The following VSNL1 variants were observed in gnomAD, a reference collection of about 807,000 sequenced individuals.
The protein encoded by VSNL1 is visinin-like protein 1.
VSNL1 carries 6 observed loss-of-function variants against 20.4 expected under a neutral mutation model. The observed-to-expected ratio is 0.29, with a 90% confidence interval of 0.16 to 0.58. The LOEUF (loss-of-function observed/expected upper bound fraction) is 0.58, where lower values mean the gene tolerates loss of function less well. Ranked by LOEUF, VSNL1 falls within the 20% of genes least tolerant of loss-of-function variation. The pLI is 0.90. For missense variants in VSNL1, 100 were observed against 234.5 expected (o/e 0.43, Z 3.75); for synonymous variants, 93 against 86.4 (o/e 1.08, Z -0.42).
rs538292287 is a variant in VSNL1 at position 17,655,674 on chromosome 2, C to T, written c.*280C>T. The T allele has an allele frequency of 2.2e-4, 72 of 328,032 alleles. 1 individual carries two copies. Among genetic ancestry groups the T allele is most frequent in the African/African-American group, 1.4e-3 (67 of 47,284 alleles). 20.3% of individuals were successfully genotyped at this position (328,032 alleles called of 1,614,324 possible). On this transcript the variant is annotated 3_prime_UTR_variant, in exon 4 of 4. Transcript: ENST00000295156. The surrounding 1 kb of genome is among the most constrained non-coding windows in gnomAD (Gnocchi z 5.2). ...CATAAAAATCCCTCTTCCTCCAAAG[C>T]CTGGGCAGAAATGTGCTGCAAAGAG...
At position 17,560,671 on chromosome 2, in the gene VSNL1, G is replaced by C. The variant is rs147956914; in HGVS notation, c.-6+19753G>C. Among the ~76,000 whole-genome samples, 474 of 152,188 alleles carry C rather than the reference G, an allele frequency of 3.1e-3. 2 individuals carry two copies. The highest frequency in any genetic ancestry group is 0.014 in the Middle Eastern group (4 of 294). On this transcript the variant is annotated intron_variant, in intron 1 of 3. Transcript: ENST00000295156. ...TAAAGCCTCAGAAGAAAATCTAAGC[G>C]ACATTTGGATAATCTAGATATAGTG...
In VSNL1 at chr2:17,649,038, C is replaced by T. The variant is rs1479527750; in HGVS notation, c.163-372C>T. Among the ~76,000 whole-genome samples the T allele has an allele frequency of 5.3e-5, 8 of 152,132 alleles. No homozygotes were observed. The highest frequency in any genetic ancestry group is 3.9e-4 in the Admixed American group (6 of 15,280). On this transcript the variant is annotated intron_variant, in intron 2 of 3. Transcript: ENST00000295156. The surrounding 1 kb of genome is among the most constrained non-coding windows in gnomAD (Gnocchi z 6.4). ...TCATATCTAGAGGAACATTGAAGTT[C>T]GTGTAGCACCACCTGTGTGGGGAGA...
At chr2:17,555,434 T>C (rs1663653812) in intron 1 of VSNL1, among the ~76,000 whole-genome samples, 1 of 152,162 alleles carries the variant, frequency 6.6e-6, no homozygotes, top group Non-Finnish European at 1.5e-5. Context: ...ATGCCATGCT[T>C]TGCCTGTATG....
At chr2:17,583,830 G>T (rs1336601583) in intron 1 of VSNL1, among the ~76,000 whole-genome samples, 1 of 152,186 alleles carries the variant, frequency 6.6e-6, no homozygotes, top group Admixed American at 6.5e-5. Context: ...ACATGTGCCA[G>T]GCTCGGTGCC....
At chr2:17,555,112 C>T (rs1051965878) in intron 1 of VSNL1, among the ~76,000 whole-genome samples, 1 of 152,162 alleles carries the variant, frequency 6.6e-6, no homozygotes, top group Non-Finnish European at 1.5e-5. Flanking sequence ...CCATCTCTGG[C>T]AGAGTGTGAA....
chr2:17,584,332 C>G (rs1450894764), intron 1 of VSNL1, among the ~76,000 whole-genome samples: 3 of 152,038 alleles, frequency 2.0e-5, no homozygotes, highest in Non-Finnish European at 4.4e-5. Flanking sequence ...TGGCTTGGGT[C>G]TAAGTCATGT....
intron 2 of VSNL1, among the ~76,000 whole-genome samples, chr2:17,632,520 C>T (rs1477802955): frequency 3.3e-5 from 5 of 152,096 alleles, no homozygotes; most frequent in South Asian, 2.1e-4. Flanking sequence ...AGGCTGGTTT[C>T]GAACTTCTGA....
At chr2:17,575,534 TA>T (rs1227179137) in intron 1 of VSNL1, among the ~76,000 whole-genome samples, 2 of 151,996 alleles carry the variant, frequency 1.3e-5, no homozygotes, top group Non-Finnish European at 2.9e-5. Context: ...TCTTTTTTTT[TA>T]TTTTTTTTAT....
Position 17,609,989 on chromosome 2 carries a change from C to T in VSNL1, c.162+17753C>T, listed in dbSNP as rs963804662. Among the ~76,000 whole-genome samples the T allele has an allele frequency of 2.0e-5, 3 of 152,212 alleles. No individual in the cohort carries two copies. The South Asian group carries it at 6.2e-4, about 32-fold the overall frequency. On this transcript the variant is annotated intron_variant, in intron 2 of 3. Transcript: ENST00000295156. Reference sequence around the variant, plus strand: ...TTGACTGTAACTACTACTTTTGTTTCTTGCTGTGTGTCAGTCTGGCAACAG... The same window carrying T: ...TTGACTGTAACTACTACTTTTGTTTTTTGCTGTGTGTCAGTCTGGCAACAG...
intron 1 of VSNL1, among the ~76,000 whole-genome samples, chr2:17,561,158 T>C (rs1663804561): frequency 6.6e-6 from 1 of 152,072 alleles, no homozygotes; most frequent in East Asian, 1.9e-4. Flanking sequence ...GAAGGGACAA[T>C]AAACAGATGA....
At chr2:17,559,700 T>C (rs976412098) in intron 1 of VSNL1, among the ~76,000 whole-genome samples, 1 of 152,176 alleles carries the variant, frequency 6.6e-6, no homozygotes, top group African/African-American at 2.4e-5. Context: ...TTTAAAGTAA[T>C]TTAAGTGTTA....
intron 2 of VSNL1, among the ~76,000 whole-genome samples, chr2:17,633,589 C>T (rs985432725): frequency 3.3e-5 from 5 of 151,922 alleles, no homozygotes; most frequent in African/African-American, 4.8e-5. Flanking sequence ...CTTCACCTAT[C>T]GAGTTAGTCA....
intron 1 of VSNL1, among the ~76,000 whole-genome samples, chr2:17,571,905 G>A (rs2103357034): frequency 6.6e-6 from 1 of 152,266 alleles, no homozygotes; most frequent in East Asian, 1.9e-4. Context: ...AAGAATCTTA[G>A]GAAAAGAGAA....
chr2:17,644,195 C>T (rs951502387), intron 2 of VSNL1, among the ~76,000 whole-genome samples: 1 of 152,144 alleles, frequency 6.6e-6, no homozygotes, highest in African/African-American at 2.4e-5. Flanking sequence ...AAAGCCAAAA[C>T]CAAATATCAA....
chr2:17,577,477 T>TA, intron 1 of VSNL1, among the ~76,000 whole-genome samples: 1 of 152,356 alleles, frequency 6.6e-6, no homozygotes, highest in South Asian at 2.1e-4. Flanking sequence ...TGAGTCTGTA[T>TA]AGCTGGATCT....
intron 1 of VSNL1, among the ~76,000 whole-genome samples, chr2:17,562,310 A>G (rs895667075): frequency 3.3e-5 from 5 of 152,254 alleles, no homozygotes; most frequent in Admixed American, 1.3e-4. Flanking sequence ...TCCAAAGCTT[A>G]GTGTTCATTT....
At chr2:17,544,549 A>G (rs892086938) in intron 1 of VSNL1, among the ~76,000 whole-genome samples, 3 of 152,154 alleles carry the variant, frequency 2.0e-5, no homozygotes, top group Non-Finnish European at 2.9e-5. Flanking sequence ...TAGATTTTCT[A>G]TTTGGGTTGC....
In VSNL1 at chr2:17,613,462, G is replaced by A. The variant is rs145666207; in HGVS notation, c.162+21226G>A. Among the ~76,000 whole-genome samples the A allele has an allele frequency of 2.7e-3, 418 of 152,268 alleles. 3 individuals are homozygous for A. The highest frequency in any genetic ancestry group is 8.0e-3 in the African/African-American group (333 of 41,552). On this transcript the variant is annotated intron_variant, in intron 2 of 3. Coordinates refer to ENST00000295156, the MANE Select transcript of VSNL1 (RefSeq NM_003385.5). Reference sequence around the variant, plus strand: ...AGGACAGCAAACAGAAGTTAGCCCTGGGCTGGACCTCAGTTCTAGCCCCAC... The same window carrying A: ...AGGACAGCAAACAGAAGTTAGCCCTAGGCTGGACCTCAGTTCTAGCCCCAC...
chr2:17,654,916 G>A (rs1235091430), intron 3 of VSNL1, among the ~76,000 whole-genome samples: 1 of 152,208 alleles, frequency 6.6e-6, no homozygotes, highest in African/African-American at 2.4e-5. Context: ...ATCATACCAA[G>A]CCCTGGACTT....
Sources: gnomAD v4.1 joint callset for allele counts (sites outside exome capture counted in the v4.1 genomes callset) on GRCh38, gnomAD v4.1.1 for gene constraint, Gnocchi (gnomAD v3.1) non-coding constraint, MANE v1.5 for transcripts, NCBI Gene and HGNC (gene_info 2026-07-23, HGNC 2026-07-21) for gene names.